TNNT2: variants seen among roughly 807,000 people sequenced by gnomAD.
The protein encoded by TNNT2 is troponin T2, cardiac type, also known as troponin T, cardiac muscle.
A neutral mutation model predicts 62.4 loss-of-function variants in TNNT2; 34 were observed. That is an observed-to-expected ratio of 0.54 (90% confidence interval 0.41 to 0.72). TNNT2 has a LOEUF of 0.72. Ranked by LOEUF, TNNT2 falls within the 30% of genes least tolerant of loss-of-function variation. The pLI is 0.00. For synonymous variants in TNNT2, 123 were observed against 127.2 expected (o/e 0.97, Z 0.22); for missense variants, 275 against 381.9 (o/e 0.72, Z 2.33).
In TNNT2 at chr1:201,366,965, T is replaced by C. The variant is rs1292221771; in HGVS notation, c.200-94A>G. The C allele has an allele frequency of 3.1e-6, 5 of 1,604,090 alleles. No individual in the cohort carries two copies. In the African/African-American group the frequency reaches 5.3e-5, roughly 17 times the overall value. The stretch of plus-strand genomic sequence containing the variant: ...TGAGCTAGATCCCTGTGGATTTCCA[T>C]TTCCCCATCTGCACAGTGAGTCCCT... On this transcript the variant is annotated intron_variant, in intron 7 of 16. Coordinates refer to ENST00000656932, the MANE Select transcript of TNNT2 (RefSeq NM_001276345.2).
Position 201,373,263 on chromosome 1 carries a change from C to G in TNNT2, c.-9G>C. The G allele has an allele frequency of 6.2e-7, 1 of 1,614,090 alleles. No homozygotes were observed. The highest frequency in any genetic ancestry group is 8.5e-7 in the Non-Finnish European group (1 of 1,179,996). Reference sequence around the variant, plus strand: ...TCTTCTATGTCAGACATGGTCTCTGCTCTCCCTCCAAAAGGAGAAAAAAGT... The same window carrying G: ...TCTTCTATGTCAGACATGGTCTCTGGTCTCCCTCCAAAAGGAGAAAAAAGT... On this transcript the variant is annotated 5_prime_UTR_variant, in exon 2 of 17. Transcript: ENST00000656932.
At chr1:201,362,488 A>G in intron 12 of TNNT2, 94 bp from the exon 13 acceptor site, 1 of 1,475,418 alleles carries the variant, frequency 6.8e-7, no homozygotes, top group Non-Finnish European at 9.4e-7. Context: ...AGGCAAGGAG[A>G]GACATGGAAG....
chr1:201,374,375 TA>T (rs1307306436), intron 1 of TNNT2: 1 of 152,156 alleles, frequency 6.6e-6, no homozygotes, highest in Non-Finnish European at 1.5e-5. Context: ...CGAGGGTGTT[TA>T]GGCGAGTCTT....
chr1:201,363,469 G>A (rs555056162), intron 11 of TNNT2, 63 bp from the exon 12 acceptor site: 1 of 1,505,702 alleles, frequency 6.6e-7, no homozygotes, highest in East Asian at 2.3e-5. Flanking sequence ...CTGATTCTGG[G>A]CTGAAGCTTG....
intron 6 of TNNT2, 51 bp downstream of exon 6, chr1:201,368,111 A>G (rs751742128): frequency 1.0e-5 from 16 of 1,583,984 alleles, no homozygotes; most frequent in African/African-American, 1.3e-5. Context: ...GAATGGCTCC[A>G]GGGGCTCTCG....
chr1:201,365,726 G>A (rs1350755901), intron 8 of TNNT2, 56 bp from the exon 9 acceptor site: 7 of 1,602,210 alleles, frequency 4.4e-6, no homozygotes, highest in East Asian at 4.5e-5. Context: ...GGGACTGAGG[G>A]TGTCCAGGAC....
chr1:201,366,622 C>A (rs577432469), intron 8 of TNNT2: 1 of 1,450,752 alleles, frequency 6.9e-7, no homozygotes, highest in Middle Eastern at 2.5e-4. Context: ...CTAGGGTGCA[C>A]GATTGGTGAT....
intron 9 of TNNT2, 134 bp downstream of exon 9, chr1:201,365,476 G>A: frequency 4.9e-6 from 6 of 1,219,896 alleles, no homozygotes; most frequent in Non-Finnish European, 7.3e-6. Context: ...TCATGGATGG[G>A]CACCCAGCCT....
chr1:201,367,669 T>A (rs1158900899), intron 7 of TNNT2, 102 bp downstream of exon 7: 2 of 1,317,236 alleles, frequency 1.5e-6, no homozygotes, highest in Non-Finnish European at 2.2e-6. Context: ...ACCCTCTCAG[T>A]GCACATCCAC....
intron 1 of TNNT2, among the ~76,000 whole-genome samples, 186 bp downstream of exon 1, chr1:201,377,437 C>A (rs1480723590): frequency 2.0e-5 from 3 of 152,170 alleles, no homozygotes; most frequent in African/African-American, 7.2e-5. Flanking sequence ...TCTCTCTGCT[C>A]TATTGTACCA....
chr1:201,370,789 C>G (rs1020166096), intron 4 of TNNT2, among the ~76,000 whole-genome samples: 4 of 152,234 alleles, frequency 2.6e-5, no homozygotes, highest in Non-Finnish European at 5.9e-5. Context: ...AGATCTATGT[C>G]TCAAACTCCA....
Position 201,372,097 on chromosome 1 carries a change from C to T in TNNT2, c.52+48G>A, listed in dbSNP as rs45582534. On this transcript the variant is annotated intron_variant, in intron 3 of 16. Transcript: ENST00000656932. ...GAAGAGAGAAGAGGTGGGTCAGTTT[C>T]GAACCAGGCTGTCTTTGATCCAAAT... 6.8e-3 allele frequency: 10,950 copies of T among 1,614,136 alleles called. 53 individuals are homozygous for T. Among genetic ancestry groups the T allele is most frequent in the Non-Finnish European group, 8.7e-3 (10,224 of 1,180,006 alleles).
chr1:201,364,698 T>C (rs1659342875), intron 10 of TNNT2, among the ~76,000 whole-genome samples: 1 of 152,192 alleles, frequency 6.6e-6, no homozygotes. Flanking sequence ...TGCCATATGC[T>C]TGGATAGATG....
rs397516475 is a variant in TNNT2, at chr1:201,362,402, G to T, written c.601-8C>A. On this transcript the variant is annotated splice_region_variant and splice_polypyrimidine_tract_variant and intron_variant, in intron 12 of 16. Coordinates refer to ENST00000656932, the MANE Select transcript of TNNT2 (RefSeq NM_001276345.2). ...GGTACCCACCTGGGCCTGCTAAACC[G>T]GGAAACCATGAGAGAGAGGCCCATA... 1.9e-6 allele frequency: 3 copies of T among 1,613,614 alleles called. No homozygotes were observed. The highest frequency in any genetic ancestry group is 2.5e-6 in the Non-Finnish European group (3 of 1,179,880).
At chr1:201,364,547 C>T (rs1191961566) in intron 10 of TNNT2, among the ~76,000 whole-genome samples, 172 bp from the exon 11 acceptor site, 1 of 152,194 alleles carries the variant, frequency 6.6e-6, no homozygotes, top group Non-Finnish European at 1.5e-5. Context: ...GCTCCACGGA[C>T]GTGCACACCA....
chr1:201,375,504 G>C (rs926929055), intron 1 of TNNT2: 1 of 152,186 alleles, frequency 6.6e-6, no homozygotes, highest in Non-Finnish European at 1.5e-5. Flanking sequence ...TCAAATGTGC[G>C]AGGTGCTATA....
chr1:201,362,430 A>G, intron 12 of TNNT2, 36 bp from the exon 13 acceptor site: 3 of 1,611,784 alleles, frequency 1.9e-6, no homozygotes, highest in Non-Finnish European at 2.5e-6. Context: ...GGCCCATAGA[A>G]AAAGACCAAG....
intron 4 of TNNT2, among the ~76,000 whole-genome samples, chr1:201,371,356 T>C (rs1242922008): frequency 1.3e-5 from 2 of 152,300 alleles, no homozygotes; most frequent in Middle Eastern, 3.4e-3. Flanking sequence ...CCGATCAGCA[T>C]AGGAGCAGCA....
chr1:201,361,935 G>A lies in TNNT2; in HGVS notation c.697C>T (p.His233Tyr). ...AERRKVLAID[H>Y]LNEDQLREKA... is the part of the protein sequence containing the mutation. ...CACCTCAGCTGATCTTCATTCAGGTGGTCAATGGCCAGCACCTTCCTCCTC... is the reference window on the plus strand; with the variant it reads ...CACCTCAGCTGATCTTCATTCAGGTAGTCAATGGCCAGCACCTTCCTCCTC... The change falls in exon 14 of 17, where the codon CAC (histidine) becomes TAC (tyrosine). Residue 233 changes from histidine to tyrosine, a missense_variant. His to Tyr is a moderately conservative substitution (Grantham distance 83, BLOSUM62 2). Transcript: ENST00000656932. 1.2e-6 allele frequency: 2 copies of A among 1,614,168 alleles called. No individual in the cohort carries two copies. Among genetic ancestry groups the A allele is most frequent in the South Asian group, 1.1e-5 (1 of 91,084 alleles).
Sources: allele counts gnomAD v4.1 joint callset (sites outside exome capture counted in the v4.1 genomes callset), GRCh38; gene constraint gnomAD v4.1.1; transcripts MANE v1.5; gene names NCBI Gene and HGNC (gene_info 2026-07-23, HGNC 2026-07-21).